Variants in BMPR1B observed in about 807,000 individuals in gnomAD.
The protein encoded by BMPR1B is bone morphogenetic protein receptor type 1B, also known as bone morphogenetic protein receptor type-1B.
In BMPR1B, 12 loss-of-function variants were observed where a neutral mutation model predicts 59.1. That is an observed-to-expected ratio of 0.20 (90% CI 0.13 to 0.33). BMPR1B has a LOEUF of 0.33. BMPR1B is among the 10% of genes least tolerant of loss of function. BMPR1B has a pLI of 1.00. For missense variants in BMPR1B, 550 were observed against 610.9 expected (o/e 0.90, Z 1.05); for synonymous variants, 237 against 207.3 (o/e 1.14, Z -1.23).
chr4:95,049,581 A>G (rs1726310105), intron 3 of BMPR1B, among the ~76,000 whole-genome samples: 1 of 151,254 alleles, frequency 6.6e-6, no homozygotes, highest in Non-Finnish European at 1.5e-5. Context: ...TGTCTGTTCC[A>G]GTAAGATTGT....
At chr4:94,924,945 A>G (rs758036189) in intron 2 of BMPR1B, among the ~76,000 whole-genome samples, 3 of 152,196 alleles carry the variant, frequency 2.0e-5, no homozygotes, top group Non-Finnish European at 4.4e-5. Context: ...AGCCTTTGGT[A>G]TCCTTCCAAT....
chr4:95,078,144 A>T (rs964112988), intron 3 of BMPR1B, among the ~76,000 whole-genome samples: 1 of 152,230 alleles, frequency 6.6e-6, no homozygotes, highest in Non-Finnish European at 1.5e-5. Context: ...AAGTAGTGAA[A>T]TGATGCAACA....
intron 2 of BMPR1B, among the ~76,000 whole-genome samples, chr4:94,894,126 A>G (rs1727497234): frequency 6.6e-6 from 1 of 152,092 alleles, no homozygotes; most frequent in Non-Finnish European, 1.5e-5. Context: ...GTGAAATGAA[A>G]TACTGTAAAA....
intron 2 of BMPR1B, among the ~76,000 whole-genome samples, chr4:94,890,317 C>T (rs1417335022): frequency 5.3e-5 from 8 of 152,002 alleles, no homozygotes; most frequent in Admixed American, 3.9e-4. Context: ...AACCCCCTCT[C>T]CCCCAAAGCT....
chr4:95,132,029 G>C (rs779978716), intron 10 of BMPR1B, among the ~76,000 whole-genome samples: 11 of 152,126 alleles, frequency 7.2e-5, no homozygotes, highest in Non-Finnish European at 1.6e-4. Context: ...GTAAAACAGT[G>C]GTTTTCAGAC....
intron 1 of BMPR1B, among the ~76,000 whole-genome samples, chr4:94,778,093 TATA>T (rs574168431): frequency 2.0e-5 from 3 of 152,108 alleles, no homozygotes; most frequent in Admixed American, 1.3e-4. Flanking sequence ...TTAAAGGATA[TATA>T]ATAATAATAA....
chr4:95,053,315 G>A (rs955462272), intron 3 of BMPR1B, among the ~76,000 whole-genome samples: 4 of 149,396 alleles, frequency 2.7e-5, no homozygotes, highest in African/African-American at 9.8e-5. Flanking sequence ...GTGTGTGTGT[G>A]TGTGTGTGAT....
intron 2 of BMPR1B, among the ~76,000 whole-genome samples, chr4:94,937,433 G>C (rs1729353985): frequency 6.6e-6 from 1 of 152,178 alleles, no homozygotes; most frequent in Middle Eastern, 3.4e-3. Context: ...ACTGCCTTCT[G>C]TTTTTCTCTT....
At chr4:94,830,690 T>C (rs1424202220) in intron 1 of BMPR1B, among the ~76,000 whole-genome samples, 1 of 152,238 alleles carries the variant, frequency 6.6e-6, no homozygotes, top group African/African-American at 2.4e-5. Context: ...AATACAGTCA[T>C]GTGCAATATA....
chr4:94,830,591 C>A (rs1724546908), intron 1 of BMPR1B, among the ~76,000 whole-genome samples: 2 of 152,178 alleles, frequency 1.3e-5, no homozygotes, highest in Admixed American at 1.3e-4. Flanking sequence ...CTTCTAGATA[C>A]TACCATATAT....
intron 2 of BMPR1B, among the ~76,000 whole-genome samples, chr4:94,957,935 GTTGAT>G (rs1730217239): frequency 6.6e-6 from 1 of 152,102 alleles, no homozygotes; most frequent in African/African-American, 2.4e-5. Context: ...CAACATGTGT[GTTGAT>G]TTGTAGGCCA....
In BMPR1B at chr4:94,822,210, T is replaced by C. The variant is rs542924461; in HGVS notation, c.-182-53621T>C. Among the ~76,000 whole-genome samples, 10 of 152,274 alleles carry C rather than the reference T, an allele frequency of 6.6e-5. No homozygotes were observed. The South Asian group carries it at 1.0e-3, about 16-fold the overall frequency. Reference sequence around the variant, plus strand: ...TCTGTAAAGGCATTAATCCCACCAATGAAGATGGAGCCTTTATGGCCCCAT... The same window carrying C: ...TCTGTAAAGGCATTAATCCCACCAACGAAGATGGAGCCTTTATGGCCCCAT... On this transcript the variant is annotated intron_variant, in intron 1 of 12. Coordinates refer to ENST00000515059, the MANE Select transcript of BMPR1B (RefSeq NM_001203.3).
At chr4:94,911,044 T>C (rs1379815367) in intron 2 of BMPR1B, among the ~76,000 whole-genome samples, 1 of 152,168 alleles carries the variant, frequency 6.6e-6, no homozygotes, top group Non-Finnish European at 1.5e-5. Flanking sequence ...CTTTGACCTA[T>C]TTTTTTGGAT....
rs139598860 is a variant in BMPR1B at position 95,119,054 on chromosome 4, A to G, written c.349+3267A>G. On this transcript the variant is annotated intron_variant, in intron 6 of 12. Coordinates refer to ENST00000515059, the MANE Select transcript of BMPR1B (RefSeq NM_001203.3). ...TCCTGTATCTTGCATTTACATGGAAAGTAAAAGGCAGTGAAGCTTGGAGTC... is the reference window on the plus strand; with the variant it reads ...TCCTGTATCTTGCATTTACATGGAAGGTAAAAGGCAGTGAAGCTTGGAGTC... Among the ~76,000 whole-genome samples the G allele has an allele frequency of 7.9e-4, 121 of 152,336 alleles. 1 individual carries two copies. Among genetic ancestry groups the G allele is most frequent in the African/African-American group, 2.8e-3 (115 of 41,578 alleles).
chr4:95,001,088 A>G (rs1442403175), intron 3 of BMPR1B, among the ~76,000 whole-genome samples: 1 of 152,160 alleles, frequency 6.6e-6, no homozygotes, highest in Non-Finnish European at 1.5e-5. Context: ...TTAGGTAATT[A>G]TAAGGCCAGT....
At chr4:94,803,101 A>ATTG (rs1478183310) in intron 1 of BMPR1B, among the ~76,000 whole-genome samples, 1 of 152,032 alleles carries the variant, frequency 6.6e-6, no homozygotes, top group Non-Finnish European at 1.5e-5. Context: ...CATTTCTCTC[A>ATTG]TTGAGTACCC....
At chr4:94,804,336 G>C (rs1428645396) in intron 1 of BMPR1B, among the ~76,000 whole-genome samples, 1 of 152,058 alleles carries the variant, frequency 6.6e-6, no homozygotes, top group African/African-American at 2.4e-5. Flanking sequence ...TGCCTCTTGG[G>C]GAATCACAAC....
chr4:94,990,657 C>T (rs1348393798), intron 2 of BMPR1B, among the ~76,000 whole-genome samples: 1 of 149,830 alleles, frequency 6.7e-6, no homozygotes, highest in African/African-American at 2.4e-5. Flanking sequence ...AGTACTCAAC[C>T]TCTATGCTGG....
chr4:94,765,997 A>T (rs10001046), intron 1 of BMPR1B, among the ~76,000 whole-genome samples: 1 of 152,152 alleles, frequency 6.6e-6, no homozygotes, highest in Non-Finnish European at 1.5e-5. Flanking sequence ...GTCAATGACA[A>T]TAATAGTATT....
Sources: gnomAD v4.1 joint callset for allele counts (sites outside exome capture counted in the v4.1 genomes callset) on GRCh38, gnomAD v4.1.1 for gene constraint, MANE v1.5 for transcripts, NCBI Gene and HGNC (gene_info 2026-07-23, HGNC 2026-07-21) for gene names.